Variants in TIAM1 observed in about 807,000 individuals in gnomAD.
The protein encoded by TIAM1 is rho guanine nucleotide exchange factor TIAM1.
A neutral mutation model predicts 163.5 loss-of-function variants in TIAM1; 65 were observed. That is an observed-to-expected ratio of 0.40 (90% CI 0.33 to 0.49). The LOEUF is 0.49. Ranked by LOEUF, TIAM1 falls within the 20% of genes least tolerant of loss-of-function variation. The pLI is 0.77. For synonymous variants in TIAM1, 833 were observed against 810.1 expected, an observed-to-expected ratio of 1.03 and a Z score of -0.48; for missense variants, 1,789 against 2,044.7, an observed-to-expected ratio of 0.87 and a Z score of 2.41.
intron 2 of TIAM1, among the ~76,000 whole-genome samples, chr21:31,427,464 G>C (rs1287546570): frequency 6.6e-6 from 1 of 150,516 alleles, no homozygotes; most frequent in African/African-American, 2.4e-5. Context: ...TCCAGCCTGG[G>C]GGACAGAGCG....
intron 1 of TIAM1, among the ~76,000 whole-genome samples, chr21:31,500,249 C>A (rs545810542): frequency 1.3e-5 from 2 of 152,256 alleles, no homozygotes; most frequent in South Asian, 2.1e-4. Flanking sequence ...AGCTTGCTGT[C>A]AGAAAGCTGG....
At chr21:31,169,653 GGAAA>G (rs1256219247) in intron 15 of TIAM1, among the ~76,000 whole-genome samples, 1 of 151,906 alleles carries the variant, frequency 6.6e-6, no homozygotes, top group African/African-American at 2.4e-5. Context: ...TTTCAGGTGG[GGAAA>G]GAAAGAAAAA....
chr21:31,300,295 T>C (rs1224498340), intron 2 of TIAM1, among the ~76,000 whole-genome samples: 3 of 152,202 alleles, frequency 2.0e-5, no homozygotes, highest in Admixed American at 1.3e-4. Context: ...GGTGAGCCAA[T>C]TAAACCTCTT....
chr21:31,340,024 T>C (rs958483789), intron 1 of TIAM1, among the ~76,000 whole-genome samples: 5 of 152,008 alleles, frequency 3.3e-5, no homozygotes, highest in African/African-American at 1.2e-4. Context: ...CTGTCTTCAT[T>C]GAAAATAACT....
chr21:31,448,036 C>T (rs2044692765), intron 2 of TIAM1, among the ~76,000 whole-genome samples: 1 of 152,124 alleles, frequency 6.6e-6, no homozygotes, highest in African/African-American at 2.4e-5. Context: ...TCCATTCAGG[C>T]CTTCAACTGA....
intron 2 of TIAM1, among the ~76,000 whole-genome samples, chr21:31,370,911 T>C (rs1350314884): frequency 1.3e-5 from 2 of 152,174 alleles, no homozygotes; most frequent in Non-Finnish European, 2.9e-5. Flanking sequence ...TGTGCCGCCC[T>C]CTCTCAGACC....
At chr21:31,420,732 A>T (rs538647215) in intron 2 of TIAM1, among the ~76,000 whole-genome samples, 1 of 152,254 alleles carries the variant, frequency 6.6e-6, no homozygotes, top group African/African-American at 2.4e-5. Context: ...TCTCCCTCAA[A>T]ATAGTGGGTC....
intron 2 of TIAM1, among the ~76,000 whole-genome samples, chr21:31,400,060 G>C (rs2077138839): frequency 1.3e-5 from 2 of 151,340 alleles, no homozygotes; most frequent in Non-Finnish European, 2.9e-5. Context: ...AAAAACAAAA[G>C]CTAAACCAGA....
chr21:31,134,673 G>C (rs2082550522), intron 23 of TIAM1, among the ~76,000 whole-genome samples: 1 of 152,112 alleles, frequency 6.6e-6, no homozygotes, highest in Non-Finnish European at 1.5e-5. Flanking sequence ...ACCACATCCA[G>C]CTAATTTTTG....
intron 2 of TIAM1, among the ~76,000 whole-genome samples, chr21:31,441,677 A>AG (rs2044421727): frequency 1.3e-5 from 2 of 152,250 alleles, no homozygotes; most frequent in African/African-American, 4.8e-5. Flanking sequence ...CAGGCTTCCT[A>AG]TCTTAGACAT....
intron 1 of TIAM1, among the ~76,000 whole-genome samples, chr21:31,509,163 C>A (rs1304981957): frequency 1.3e-5 from 2 of 152,130 alleles, no homozygotes; most frequent in Non-Finnish European, 2.9e-5. Context: ...GGGCACCCTG[C>A]ACAACGGTTC....
At chr21:31,406,452 C>T (rs2077248631) in intron 2 of TIAM1, among the ~76,000 whole-genome samples, 1 of 152,058 alleles carries the variant, frequency 6.6e-6, no homozygotes, top group Admixed American at 6.6e-5. Flanking sequence ...TAGAATCCTG[C>T]TTCATTATAA....
intron 2 of TIAM1, among the ~76,000 whole-genome samples, chr21:31,387,361 T>A (rs1371168361): frequency 6.6e-6 from 1 of 151,574 alleles, no homozygotes; most frequent in South Asian, 2.1e-4. Context: ...TAGCTGGGAT[T>A]ATAGGCACCC....
At chr21:31,252,230 G>A (rs1449056307) in intron 4 of TIAM1, 41 bp from the exon 5 acceptor site, 1 of 1,573,348 alleles carries the variant, frequency 6.4e-7, no homozygotes, top group Admixed American at 1.7e-5. Context: ...CAAGCGTCAC[G>A]TGGAGAAGGA....
intron 2 of TIAM1, among the ~76,000 whole-genome samples, chr21:31,369,344 A>G (rs2076556491): frequency 6.6e-6 from 1 of 152,154 alleles, no homozygotes; most frequent in African/African-American, 2.4e-5. Flanking sequence ...CTTCAGATTC[A>G]TATGCTGAAA....
At chr21:31,321,747 C>T (rs2075323314) in intron 2 of TIAM1, among the ~76,000 whole-genome samples, 1 of 152,048 alleles carries the variant, frequency 6.6e-6, no homozygotes, top group African/African-American at 2.4e-5. Flanking sequence ...AAACTTTAAC[C>T]CTTCTTGACA....
chr21:31,438,382 G>C (rs989956399), intron 2 of TIAM1, among the ~76,000 whole-genome samples: 1 of 151,752 alleles, frequency 6.6e-6, no homozygotes, highest in Non-Finnish European at 1.5e-5. Context: ...AGTAGAGACA[G>C]GGTTTTGCCA....
intron 13 of TIAM1, among the ~76,000 whole-genome samples, chr21:31,192,875 C>T (rs1198739267): frequency 6.6e-6 from 1 of 152,272 alleles, no homozygotes; most frequent in East Asian, 1.9e-4. Context: ...CTGCTCCAGA[C>T]CTGGGTGTGG....
intron 1 of TIAM1, among the ~76,000 whole-genome samples, chr21:31,505,828 A>T (rs568128946): frequency 6.6e-6 from 1 of 151,930 alleles, no homozygotes; most frequent in South Asian, 2.1e-4. Flanking sequence ...AACACAGTGA[A>T]TGAAACCCCG....
Sources: gnomAD v4.1 joint callset for allele counts (sites outside exome capture counted in the v4.1 genomes callset) on GRCh38, gnomAD v4.1.1 for gene constraint, MANE v1.5 for transcripts, NCBI Gene and HGNC (gene_info 2026-07-23, HGNC 2026-07-21) for gene names.